Variants in ZNF142 observed in about 807,000 individuals in gnomAD.
The protein encoded by ZNF142 is zinc finger protein 142, also known as zinc finger protein 142 (clone pHZ-49).
A neutral mutation model predicts 132.1 loss-of-function variants in ZNF142; 96 were observed. The ratio of observed to expected loss-of-function variants is 0.73; its 90% CI spans 0.62 to 0.86. The LOEUF (loss-of-function observed/expected upper bound fraction) is 0.86, where lower values mean the gene tolerates loss of function less well. Ranked by LOEUF, ZNF142 falls within the 40% of genes least tolerant of loss-of-function variation. ZNF142 has a pLI of 0.00. For synonymous variants in ZNF142, 842 were observed against 890.1 expected, an observed-to-expected ratio of 0.95 and a Z score of 0.96; for missense variants, 2,163 against 2,336.2, an observed-to-expected ratio of 0.93 and a Z score of 1.53.
In ZNF142 at chr2:218,638,535, CA is replaced by C. The variant is rs758344926; in HGVS notation, c.5467del (p.Cys1823AlafsTer90). The C allele has an allele frequency of 6.2e-7, 1 of 1,610,150 alleles. No homozygotes were observed. Among genetic ancestry groups the C allele is most frequent in the Admixed American group, 1.7e-5 (1 of 59,864 alleles). ...LTHTDRHPFF[C>X]RLCNYKAKQK... The stretch of plus-strand genomic sequence containing the variant: ...CTTGGCCTTGTAGTTGCAGAGGCGG[CA>C]AAAGAAGGGGTGGCGGTCGGTGTGG... On this transcript the variant is annotated frameshift_variant, in exon 11 of 11. Transcript: ENST00000411696. LOFTEE classifies it high-confidence loss of function.
rs78295642 is a variant in ZNF142, at chr2:218,649,855, G to A, written c.1049-396C>T. 7.1e-3 allele frequency among the ~76,000 whole-genome samples: 1,076 copies of A among 152,276 alleles called. 21 individuals are homozygous for A. Among genetic ancestry groups the A allele is most frequent in the African/African-American group, 0.024 (1,014 of 41,544 alleles). On this transcript the variant is annotated intron_variant, in intron 6 of 10. Coordinates refer to ENST00000411696, the MANE Select transcript of ZNF142 (RefSeq NM_001379659.1). Reference sequence around the variant, plus strand: ...CCCCAAGGGGGTGAGCCAAAAGAAGGTACAGTACTCTTACTGGCTCACAGG... The same window carrying A: ...CCCCAAGGGGGTGAGCCAAAAGAAGATACAGTACTCTTACTGGCTCACAGG...
At chr2:218,651,193 G>A (rs1362643025) in intron 5 of ZNF142, among the ~76,000 whole-genome samples, 1 of 152,070 alleles carries the variant, frequency 6.6e-6, no homozygotes, top group African/African-American at 2.4e-5. Context: ...CATTGCCCAG[G>A]CTGGTCTTGA....
Position 218,644,646 on chromosome 2 carries a change from G to C in ZNF142, c.2470C>G (p.Pro824Ala), listed in dbSNP as rs368822581. 6.2e-7 allele frequency: 1 copy of C among 1,614,100 alleles called. No individual in the cohort carries two copies. Among genetic ancestry groups the C allele is most frequent in the African/African-American group, 1.3e-5 (1 of 74,938 alleles). Residue 824 changes from proline to alanine, a missense_variant, in exon 9 of 11, where the codon CCA becomes GCA. Around this residue, in one of 7 missense-constraint regions of ZNF142, gnomAD observed 749 missense variants for 830.3 expected, o/e 0.90. Transcript: ENST00000411696. This position sits in a 1 kb window ranked among gnomAD's most constrained non-coding sequence, Gnocchi z 4.6. Reference protein sequence around the residue: ...PEGAMQGPTPPPDSEPSNQLS... With the variant: ...PEGAMQGPTPAPDSEPSNQLS... ...TGGTTTGAGGGCTCTGAATCTGGTG[G>C]GGGTGTTGGGCCCTGCATGGCCCCT...
chr2:218,644,811 G>A lies in ZNF142; in HGVS notation c.2305C>T (p.Arg769Cys), dbSNP rs751369459. The change falls in exon 9 of 11, where the codon CGC (arginine) becomes TGC (cysteine). Residue 769 changes from arginine to cysteine, a missense_variant. Coordinates refer to ENST00000411696, the MANE Select transcript of ZNF142 (RefSeq NM_001379659.1). The surrounding 1 kb of genome is among the most constrained non-coding windows in gnomAD (Gnocchi z 4.6). ...VLSHENCKHT[R>C]LREFHCALCD... ...AGGGCACAGTGGAACTCACGGAGGC[G>A]GGTATGCTTGCAGTTCTCATGGCTC... 62 of 1,614,098 alleles carry A rather than the reference G, an allele frequency of 3.8e-5. No individual in the cohort carries two copies. The highest frequency in any genetic ancestry group is 1.8e-4 in the Admixed American group (11 of 60,014).
rs372054999 is a variant in ZNF142 at position 218,642,521 on chromosome 2, C to T, written c.4595G>A (p.Arg1532His). Residue 1532 changes from arginine to histidine, a missense_variant, in exon 9 of 11, where the codon CGC becomes CAC. By Grantham distance (29) the Arg-to-His change is conservative. Coordinates refer to ENST00000411696, the MANE Select transcript of ZNF142 (RefSeq NM_001379659.1). This position sits in a 1 kb window ranked among gnomAD's most constrained non-coding sequence, Gnocchi z 4.6. Reference sequence around the variant, plus strand: ...AGGGCTGGGGCACAGCAACCCACAGCGGGAACAGTGCAGGGGGCCCTCAGT... The same window carrying T: ...AGGGCTGGGGCACAGCAACCCACAGTGGGAACAGTGCAGGGGGCCCTCAGT... Reference protein sequence around the residue: ...ETTEGPLHCSRCGLLCPSPAS... With the variant: ...ETTEGPLHCSHCGLLCPSPAS... 29 of 1,608,002 alleles carry T rather than the reference C, an allele frequency of 1.8e-5. No homozygotes were observed. Among genetic ancestry groups the T allele is most frequent in the Middle Eastern group, 1.7e-4 (1 of 6,046 alleles).
In ZNF142 at chr2:218,634,320, T is replaced by A. The variant is rs1342858671; in HGVS notation, c.*4019A>T. ...AGGGTTGGGGAATGCTCAAGAAAAT[T>A]GCTAGGCTGAGAAATGCTATCAGTG... On this transcript the variant is annotated 3_prime_UTR_variant, in exon 11 of 11. Coordinates refer to ENST00000411696, the MANE Select transcript of ZNF142 (RefSeq NM_001379659.1). The surrounding 1 kb of genome is among the most constrained non-coding windows in gnomAD (Gnocchi z 4.0). The A allele has an allele frequency of 1.9e-6, 3 of 1,572,986 alleles. No homozygotes were observed. The South Asian group carries it at 3.5e-5, about 18-fold the overall frequency.
chr2:218,651,155 T>A (rs990439159), intron 5 of ZNF142, among the ~76,000 whole-genome samples: 4 of 152,146 alleles, frequency 2.6e-5, no homozygotes, highest in Non-Finnish European at 5.9e-5. Flanking sequence ...CCAATTTTTG[T>A]ATTTTTTGTA....
chr2:218,641,222 A>G (rs1399641408), intron 9 of ZNF142, among the ~76,000 whole-genome samples: 1 of 149,978 alleles, frequency 6.7e-6, no homozygotes, highest in Non-Finnish European at 1.5e-5. Context: ...TACAGGCGTG[A>G]GCCACCTCAC....
In ZNF142 at chr2:218,643,366, C is replaced by A. The variant is rs61733642; in HGVS notation, c.3750G>T (p.Arg1250Ser). 72 of 1,614,206 alleles carry A rather than the reference C, an allele frequency of 4.5e-5. No individual in the cohort carries two copies. In the South Asian group the frequency reaches 4.5e-4, roughly 10 times the overall value. Residue 1250 changes from arginine to serine, a missense_variant, in exon 9 of 11, where the codon AGG becomes AGT. By Grantham distance (110) the Arg-to-Ser change is moderately radical (BLOSUM62 -1). Around this residue, in one of 7 missense-constraint regions of ZNF142, gnomAD observed 809 missense variants for 801.7 expected, o/e 1.01. Transcript: ENST00000411696. ...SITSHVAEGC[R>S]GGRGGGGKRG... ...GTTTTCCTCCCCCGCCACGTCCCCC[C>A]CTGCAGCCTTCAGCCACGTGAGAGG...
Position 218,644,718 on chromosome 2 carries a change from G to T in ZNF142, c.2398C>A (p.Pro800Thr). The change falls in exon 9 of 11, where the codon CCT (proline) becomes ACT (threonine). Residue 800 changes from proline (P) to threonine (T), a missense_variant. Coordinates refer to ENST00000411696, the MANE Select transcript of ZNF142 (RefSeq NM_001379659.1). The surrounding 1 kb of genome is among the most constrained non-coding windows in gnomAD (Gnocchi z 4.6). ...CGGAGCTGCCAGGCCTGGTCTCCAGGTACATAGCCATGGGCCTTGCGTTTA... is the reference window on the plus strand; with the variant it reads ...CGGAGCTGCCAGGCCTGGTCTCCAGTTACATAGCCATGGGCCTTGCGTTTA... ...FHKRKAHGYV[P>T]GDQAWQLRYA... 6.2e-7 allele frequency: 1 copy of T among 1,614,180 alleles called. No homozygotes were observed. The highest frequency in any genetic ancestry group is 2.2e-5 in the East Asian group (1 of 44,878).
In ZNF142 at chr2:218,648,587, A is replaced by G. The variant is rs1458043832; in HGVS notation, c.1873+48T>C. The G allele has an allele frequency of 3.2e-6, 5 of 1,560,330 alleles. No homozygotes were observed. The South Asian group carries it at 5.9e-5, about 18-fold the overall frequency. On this transcript the variant is annotated intron_variant, in intron 7 of 10. Transcript: ENST00000411696. ...TGCAAGACCCTTTGTAGCCAGTATC[A>G]CCACCATCATTATTACAACATTATT...
intron 3 of ZNF142, among the ~76,000 whole-genome samples, chr2:218,657,240 AG>A (rs1459303904): frequency 6.6e-6 from 1 of 152,126 alleles, no homozygotes; most frequent in African/African-American, 2.4e-5. Context: ...TCCCCTCAGC[AG>A]ATCTCTGAAC....
Position 218,643,080 on chromosome 2 carries a change from C to T in ZNF142, c.4036G>A (p.Ala1346Thr), listed in dbSNP as rs1315709999. ...TGGTGGAGCCTTAAGGCAGTGGCAG[C>T]AGGAGCAGTGAATGGGCAGAGGCTG... is the stretch of plus-strand genomic sequence containing the variant. ...HCSLCPFTAP[A>T]ATALRLHQKR... is the part of the protein sequence containing the mutation. Residue 1346 changes from alanine to threonine, a missense_variant, in exon 9 of 11, where the codon GCT becomes ACT. Transcript: ENST00000411696. The T allele has an allele frequency of 1.2e-6, 2 of 1,606,264 alleles. No individual in the cohort carries two copies. Among genetic ancestry groups the T allele is most frequent in the Non-Finnish European group, 1.7e-6 (2 of 1,176,120 alleles).
At position 218,636,989 on chromosome 2, in the gene ZNF142, C is replaced by A; in HGVS notation, c.*1350G>T. 2.2e-6 allele frequency: 1 copy of A among 449,376 alleles called. No homozygotes were observed. The highest frequency in any genetic ancestry group is 4.5e-6 in the Non-Finnish European group (1 of 224,056). The allele number at this position is 449,376 out of a possible 1,614,324, so 27.8% of individuals were successfully genotyped here. A position where few individuals can be genotyped will look rare whatever the true frequency, so the allele number is the denominator to read the frequency against. On this transcript the variant is annotated 3_prime_UTR_variant, in exon 11 of 11. Transcript: ENST00000411696. ...GAAGCATCATCCCCTCCATCCCCAA[C>A]TTCCTCAAAGCCCAAAGCCAAGGGA... is the stretch of plus-strand genomic sequence containing the variant.
Position 218,656,203 on chromosome 2 carries a change from A to G in ZNF142, c.227T>C (p.Ile76Thr). ...TEEGPGNMEI[I>T]VETVAGTLTP... ...CAGGGTTCCAGCTACTGTCTCCACA[A>G]TGATCTCCATGTTCCCTGGTCCCTC... The change falls in exon 4 of 11, where the codon ATT (isoleucine) becomes ACT (threonine). Residue 76 changes from isoleucine (I) to threonine (T), a missense_variant. Ile to Thr is a moderately conservative substitution (Grantham distance 89, BLOSUM62 -1). Around this residue, in one of 7 missense-constraint regions of ZNF142, gnomAD observed 195 missense variants for 172.4 expected, o/e 1.13. Coordinates refer to ENST00000411696, the MANE Select transcript of ZNF142 (RefSeq NM_001379659.1). The G allele has an allele frequency of 1.2e-6, 2 of 1,612,022 alleles. No individual in the cohort carries two copies. Among genetic ancestry groups the G allele is most frequent in the Non-Finnish European group, 1.7e-6 (2 of 1,178,868 alleles).
chr2:218,642,047 G>C lies in ZNF142; in HGVS notation c.5069C>G (p.Ala1690Gly). 6.2e-7 allele frequency: 1 copy of C among 1,614,074 alleles called. No individual in the cohort carries two copies. Among genetic ancestry groups the C allele is most frequent in the East Asian group, 2.2e-5 (1 of 44,868 alleles). The change falls in exon 9 of 11, where the codon GCT (alanine) becomes GGT (glycine). Residue 1690 changes from alanine to glycine, a missense_variant. Transcript: ENST00000411696. The surrounding 1 kb of genome is among the most constrained non-coding windows in gnomAD (Gnocchi z 4.6). ...CATTACCTTGAGACGAGAGGGATCA[G>C]CACAGGCATAGGGGCAGAGGTGACA... ...YHCHLCPYAC[A>G]DPSRLKYHMR...
intron 9 of ZNF142, 81 bp from the exon 10 acceptor site, chr2:218,640,850 C>T: frequency 8.6e-7 from 1 of 1,156,080 alleles, no homozygotes; most frequent in Non-Finnish European, 1.3e-6. Context: ...GTTATTCTTG[C>T]CCTGTTCTAT....
Position 218,656,335 on chromosome 2 carries a change from G to A in ZNF142, c.95C>T (p.Ser32Phe). ...GACAGGCCCCAGGATTCCACGGTTAGAGAGAGGCGGGGGGATCAGCAATAG... is the reference window on the plus strand; with the variant it reads ...GACAGGCCCCAGGATTCCACGGTTAAAGAGAGGCGGGGGGATCAGCAATAG... ...PELLLIPPPL[S>F]NRGILGPVQS... Residue 32 changes from serine to phenylalanine, a missense_variant, in exon 4 of 11, where the codon TCT (serine) becomes TTT (phenylalanine). Ser to Phe is a radical substitution (Grantham distance 155). Transcript: ENST00000411696. 3 of 1,595,818 alleles carry A rather than the reference G, an allele frequency of 1.9e-6. No homozygotes were observed. Among genetic ancestry groups the A allele is most frequent in the South Asian group, 2.3e-5 (2 of 87,858 alleles).
Position 218,635,771 on chromosome 2 carries a change from T to A in ZNF142, c.*2568A>T. On this transcript the variant is annotated 3_prime_UTR_variant, in exon 11 of 11. Coordinates refer to ENST00000411696, the MANE Select transcript of ZNF142 (RefSeq NM_001379659.1). ...TGGGGCTGGGCTGAGCAGGAACTTG[T>A]GAGATTCCAGAGCCCTGACTACAGG... The A allele has an allele frequency of 6.2e-7, 1 of 1,606,098 alleles. No homozygotes were observed. Among genetic ancestry groups the A allele is most frequent in the South Asian group, 1.1e-5 (1 of 89,640 alleles).
Sources: allele counts gnomAD v4.1 joint callset (sites outside exome capture counted in the v4.1 genomes callset), GRCh38; gene constraint gnomAD v4.1.1; regional missense constraint gnomAD v4.1.1; non-coding constraint Gnocchi (gnomAD v3.1); transcripts MANE v1.5; gene names NCBI Gene and HGNC (gene_info 2026-07-23, HGNC 2026-07-21).